Variants in NCKAP5 observed in about 807,000 individuals in gnomAD.
NCKAP5 encodes the protein NCK associated protein 5.
Under a neutral mutation model 167.0 loss-of-function variants are expected in NCKAP5, and 92 were observed. That is an observed-to-expected ratio of 0.55 (90% confidence interval 0.47 to 0.66). The LOEUF (loss-of-function observed/expected upper bound fraction) is 0.66, where lower values mean the gene tolerates loss of function less well. Among genes scored for constraint, NCKAP5 ranks in the 30% least tolerant of loss-of-function variants. The pLI is 0.00. For missense variants in NCKAP5, 2,378 were observed against 2,315.0 expected (o/e 1.03, Z -0.56); for synonymous variants, 891 against 877.4 (o/e 1.02, Z -0.27).
At chr2:132,704,895 C>T (rs1046691228) in intron 19 of NCKAP5, among the ~76,000 whole-genome samples, 1 of 152,162 alleles carries the variant, frequency 6.6e-6, no homozygotes, top group Non-Finnish European at 1.5e-5. Flanking sequence ...TTACTAACTT[C>T]AAGTTGATAA....
intron 3 of NCKAP5, among the ~76,000 whole-genome samples, chr2:133,508,276 T>C (rs1013565025): frequency 6.6e-6 from 1 of 152,154 alleles, no homozygotes; most frequent in African/African-American, 2.4e-5. Flanking sequence ...AAGGACACCA[T>C]AGATTAAATT....
the NCKAP5 span, among the ~76,000 whole-genome samples, chr2:133,613,761 G>A: frequency 1.3e-5 from 2 of 152,162 alleles, no homozygotes; most frequent in Non-Finnish European, 2.9e-5. Flanking sequence ...GGGTGGTCCC[G>A]TAGTCCCTTC....
At chr2:133,344,436 C>T (rs1220008039) in intron 3 of NCKAP5, among the ~76,000 whole-genome samples, 7 of 145,336 alleles carry the variant, frequency 4.8e-5, no homozygotes, top group African/African-American at 1.3e-4. Flanking sequence ...GTAATAAAAA[C>T]GCGAGGCAGG....
intron 3 of NCKAP5, among the ~76,000 whole-genome samples, chr2:133,317,972 T>G (rs1049702747): frequency 1.3e-5 from 2 of 152,206 alleles, no homozygotes; most frequent in African/African-American, 4.8e-5. Context: ...ATATTTTCAC[T>G]GTGCAGCTCC....
intron 6 of NCKAP5, among the ~76,000 whole-genome samples, chr2:133,005,740 T>C (rs567433808): frequency 7.9e-5 from 12 of 152,300 alleles, no homozygotes; most frequent in African/African-American, 2.6e-4. Context: ...GATGGCTGAA[T>C]TTATTATTGG....
At chr2:133,202,368 C>T (rs2085734832) in intron 5 of NCKAP5, among the ~76,000 whole-genome samples, 1 of 152,144 alleles carries the variant, frequency 6.6e-6, no homozygotes, top group Non-Finnish European at 1.5e-5. Context: ...CTTCCTTACA[C>T]CTTATACAAA....
chr2:133,545,349 G>A (rs890964143), intron 2 of NCKAP5, among the ~76,000 whole-genome samples: 13 of 152,202 alleles, frequency 8.5e-5, no homozygotes, highest in Admixed American at 5.2e-4. Flanking sequence ...CCTAGCTAGC[G>A]GAAGCTGGCT....
intron 4 of NCKAP5, among the ~76,000 whole-genome samples, chr2:133,235,091 T>C (rs2087337798): frequency 6.6e-6 from 1 of 151,682 alleles, no homozygotes; most frequent in Non-Finnish European, 1.5e-5. Context: ...CTTGGATTCC[T>C]TATCTTCAAA....
chr2:132,675,655 C>T (rs1331704131), intron 19 of NCKAP5, among the ~76,000 whole-genome samples: 1 of 152,144 alleles, frequency 6.6e-6, no homozygotes, highest in Non-Finnish European at 1.5e-5. Flanking sequence ...GGAGGGAAGA[C>T]AGACAGGTGG....
chr2:133,560,310 G>C (rs1227279297), intron 1 of NCKAP5, among the ~76,000 whole-genome samples: 1 of 152,216 alleles, frequency 6.6e-6, no homozygotes, highest in Non-Finnish European at 1.5e-5. Flanking sequence ...GCCAGCCACT[G>C]TTCTAGGTCC....
At chr2:133,610,966 T>C in the NCKAP5 span, among the ~76,000 whole-genome samples, 1 of 152,098 alleles carries the variant, frequency 6.6e-6, no homozygotes, top group African/African-American at 2.4e-5. Context: ...ATTAGGAAGG[T>C]GCTTCAATGA....
chr2:132,738,824 T>C (rs1691763977), intron 16 of NCKAP5, among the ~76,000 whole-genome samples: 1 of 152,080 alleles, frequency 6.6e-6, no homozygotes, highest in East Asian at 1.9e-4. Flanking sequence ...TGCCAGACTC[T>C]TTTAAACAAC....
At chr2:133,522,834 G>A (rs1019207004) in intron 2 of NCKAP5, among the ~76,000 whole-genome samples, 3 of 152,176 alleles carry the variant, frequency 2.0e-5, no homozygotes, top group African/African-American at 4.8e-5. Flanking sequence ...AGCCATAACC[G>A]AGTAGTGTTA....
At chr2:132,834,923 C>T (rs1307956399) in intron 11 of NCKAP5, among the ~76,000 whole-genome samples, 1 of 152,132 alleles carries the variant, frequency 6.6e-6, no homozygotes, top group African/African-American at 2.4e-5. Context: ...TAACTTTCCC[C>T]TGTTCAGTAG....
chr2:133,233,088 G>A (rs2150256982), intron 4 of NCKAP5, among the ~76,000 whole-genome samples: 1 of 152,286 alleles, frequency 6.6e-6, no homozygotes, highest in African/African-American at 2.4e-5. Context: ...CTGCAGTGCT[G>A]TAAAAACCAG....
At chr2:132,907,473 T>C (rs1407985998) in intron 8 of NCKAP5, among the ~76,000 whole-genome samples, 3 of 152,156 alleles carry the variant, frequency 2.0e-5, no homozygotes, top group Non-Finnish European at 4.4e-5. Context: ...TCAGTTTAGC[T>C]CTTAGAGACT....
At chr2:133,194,518 C>G (rs1250911377) in intron 5 of NCKAP5, among the ~76,000 whole-genome samples, 1 of 152,032 alleles carries the variant, frequency 6.6e-6, no homozygotes, top group East Asian at 1.9e-4. Flanking sequence ...AAGCACAGCT[C>G]TCATGCCAAG....
intron 3 of NCKAP5, among the ~76,000 whole-genome samples, chr2:133,341,641 T>A (rs1279052973): frequency 2.0e-5 from 3 of 152,190 alleles, no homozygotes; most frequent in African/African-American, 7.2e-5. Flanking sequence ...AATACTGGTG[T>A]TCAAATGTCC....
intron 4 of NCKAP5, among the ~76,000 whole-genome samples, chr2:133,241,714 C>T (rs1374841205): frequency 6.6e-6 from 1 of 152,168 alleles, no homozygotes; most frequent in Admixed American, 6.5e-5. Flanking sequence ...CTCCTTCTTT[C>T]ACATATCCCA....
Sources: allele counts gnomAD v4.1 joint callset (sites outside exome capture counted in the v4.1 genomes callset), GRCh38; gene constraint gnomAD v4.1.1; transcripts MANE v1.5; gene names NCBI Gene and HGNC (gene_info 2026-07-23, HGNC 2026-07-21).